Variants in ZMPSTE24 observed in about 807,000 individuals in gnomAD.
ZMPSTE24 encodes zinc metallopeptidase STE24, also known as CAAX prenyl protease 1 homolog.
A neutral mutation model predicts 56.7 loss-of-function variants in ZMPSTE24; 48 were observed. The ratio of observed to expected loss-of-function variants is 0.85; its 90% CI spans 0.67 to 1.08. The LOEUF (loss-of-function observed/expected upper bound fraction) is 1.08. ZMPSTE24 is among the 50% of genes least tolerant of loss of function. The pLI, the probability that ZMPSTE24 is intolerant of heterozygous loss-of-function variation, is 0.00. For missense variants in ZMPSTE24, 503 were observed against 548.7 expected, an observed-to-expected ratio of 0.92 and a Z score of 0.83; for synonymous variants, 172 against 195.2, an observed-to-expected ratio of 0.88 and a Z score of 0.99.
rs368573582 is a variant in ZMPSTE24 at position 40,270,773 on chromosome 1, C to T, written c.627+646C>T. 7.9e-5 allele frequency among the ~76,000 whole-genome samples: 12 copies of T among 152,164 alleles called. 1 individual carries two copies. Among genetic ancestry groups the T allele is most frequent in the East Asian group, 3.9e-4 (2 of 5,166 alleles). ...CCCTCACATCTCCTATTCCTCTTCTCTTTCCATACTCTCAAGTGCTTCACA... is the reference window on the plus strand; with the variant it reads ...CCCTCACATCTCCTATTCCTCTTCTTTTTCCATACTCTCAAGTGCTTCACA... On this transcript the variant is annotated intron_variant, in intron 5 of 9. Transcript: ENST00000372759.
chr1:40,275,576 A>AC, intron 6 of ZMPSTE24, among the ~76,000 whole-genome samples: 1 of 152,056 alleles, frequency 6.6e-6, no homozygotes, highest in South Asian at 2.1e-4. Context: ...ACATGGTGAA[A>AC]CCCCATCTCT....
chr1:40,290,898 T>C lies in ZMPSTE24; in HGVS notation c.1104T>C (p.Gly368=), dbSNP rs142369790. 74 of 1,614,132 alleles carry C rather than the reference T, an allele frequency of 4.6e-5. 3 individuals carry two copies. The African/African-American group carries it at 8.3e-4, about 18-fold the overall frequency. ...TTTTTTTATTTGCTGTATTAATTGG[T>C]CGAAAGGAGCTTTTTGCTGCATTTG... The part of the protein sequence containing the change: ...LCFFLFAVLI[G]RKELFAAFGF... The change falls in exon 9 of 10, where the codon GGT becomes GGC. Residue 368 remains glycine (G), a synonymous_variant. Transcript: ENST00000372759.
In ZMPSTE24 at chr1:40,290,924, G is replaced by A; in HGVS notation, c.1130G>A (p.Gly377Asp). ...CGAAAGGAGCTTTTTGCTGCATTTGGTTTTTATGATAGCCAACCCACTCTT... is the reference window on the plus strand; with the variant it reads ...CGAAAGGAGCTTTTTGCTGCATTTGATTTTTATGATAGCCAACCCACTCTT... ...IGRKELFAAFGFYDSQPTLIG... is the reference protein window; with the variant it reads ...IGRKELFAAFDFYDSQPTLIG... The change falls in exon 9 of 10, where the codon GGT becomes GAT. Residue 377 changes from glycine to aspartate, a missense_variant. Transcript: ENST00000372759. 1.2e-6 allele frequency: 2 copies of A among 1,613,866 alleles called. No homozygotes were observed. Among genetic ancestry groups the A allele is most frequent in the Non-Finnish European group, 1.7e-6 (2 of 1,179,944 alleles).
At chr1:40,264,502 A>G (rs1387191065) in intron 2 of ZMPSTE24, among the ~76,000 whole-genome samples, 1 of 151,734 alleles carries the variant, frequency 6.6e-6, no homozygotes, top group Non-Finnish European at 1.5e-5. Flanking sequence ...AGTTAAAGTA[A>G]CCTTTCAGTT....
intron 6 of ZMPSTE24, among the ~76,000 whole-genome samples, chr1:40,280,233 A>G (rs1293811150): frequency 6.6e-6 from 1 of 151,968 alleles, no homozygotes; most frequent in Admixed American, 6.6e-5. Context: ...GTCATTGTCA[A>G]CTTCCGATGG....
chr1:40,274,974 GA>G (rs1278563826), intron 6 of ZMPSTE24, among the ~76,000 whole-genome samples: 1 of 151,930 alleles, frequency 6.6e-6, no homozygotes, highest in Non-Finnish European at 1.5e-5. Context: ...AGTTTCCTGA[GA>G]TGGAAAAAAA....
In ZMPSTE24 at chr1:40,292,744, T is replaced by G; in HGVS notation, c.*75T>G. On this transcript the variant is annotated 3_prime_UTR_variant, in exon 10 of 10. Coordinates refer to ENST00000372759, the MANE Select transcript of ZMPSTE24 (RefSeq NM_005857.5). ...CAGCATGTTCCAGCTCTTGATGTTT[T>G]TAAACTTTTTTTTAGAAGAAAAATT... is the stretch of plus-strand genomic sequence containing the variant. 1 of 1,444,724 alleles carries G rather than the reference T, an allele frequency of 6.9e-7. No homozygotes were observed. Among genetic ancestry groups the G allele is most frequent in the South Asian group, 1.2e-5 (1 of 82,316 alleles). The allele number at this position is 1,444,724 out of a possible 1,614,324, so 89.5% of individuals were successfully genotyped here.
At chr1:40,273,537 A>AAAAAAAAAAAATATAT (rs1224234676) in intron 6 of ZMPSTE24, among the ~76,000 whole-genome samples, 10 of 12,386 alleles carry the variant, frequency 8.1e-4, no homozygotes, top group East Asian at 3.3e-3. Flanking sequence ...AAAAAAAAAA[A>AAAAAAAAAAAATATAT]ATATATATAT....
At chr1:40,272,163 G>GGCTA (rs1460160977) in intron 6 of ZMPSTE24, 128 bp downstream of exon 6, 4 of 1,089,374 alleles carry the variant, frequency 3.7e-6, no homozygotes, top group Non-Finnish European at 2.5e-6. Flanking sequence ...GTTATTTAAA[G>GGCTA]GCTAGGAGTT....
intron 3 of ZMPSTE24, among the ~76,000 whole-genome samples, 158 bp from the exon 4 acceptor site, chr1:40,268,261 A>T (rs1353754559): frequency 2.0e-5 from 3 of 152,260 alleles, no homozygotes; most frequent in Admixed American, 1.3e-4. Flanking sequence ...TCTCAAAAGT[A>T]AACTTTTTTG....
At position 40,273,961 on chromosome 1, in the gene ZMPSTE24, A is replaced by C. The variant is rs537708360; in HGVS notation, c.769+1926A>C. Among the ~76,000 whole-genome samples the C allele has an allele frequency of 2.6e-5, 4 of 152,200 alleles. No homozygotes were observed. The South Asian group carries it at 6.2e-4, about 24-fold the overall frequency. ...ATGAGAGCTATTTTCATTTTAGATA[A>C]AATAGTCAGGGAAGGCTTTATGGAA... On this transcript the variant is annotated intron_variant, in intron 6 of 9. Coordinates refer to ENST00000372759, the MANE Select transcript of ZMPSTE24 (RefSeq NM_005857.5).
At chr1:40,278,747 C>T (rs1569646003) in intron 6 of ZMPSTE24, among the ~76,000 whole-genome samples, 1 of 152,062 alleles carries the variant, frequency 6.6e-6, no homozygotes, top group East Asian at 1.9e-4. Context: ...TGCTCTTAAT[C>T]ACTATACTCA....
intron 6 of ZMPSTE24, among the ~76,000 whole-genome samples, chr1:40,278,354 C>T (rs1018678711): frequency 1.3e-5 from 2 of 151,640 alleles, no homozygotes; most frequent in African/African-American, 2.4e-5. Context: ...GTCAGGAGAT[C>T]GAGACCATCC....
intron 8 of ZMPSTE24, 70 bp downstream of exon 8, chr1:40,286,099 G>A: frequency 1.4e-6 from 2 of 1,396,976 alleles, no homozygotes; most frequent in East Asian, 2.4e-5. Flanking sequence ...GGCATGAGAG[G>A]TCATATAAGA....
rs2076697 is a variant in ZMPSTE24 at position 40,271,917 on chromosome 1, T to C, written c.651T>C (p.Asp217=). Residue 217 remains aspartate (D), a synonymous_variant, in exon 6 of 10, where the codon GAT becomes GAC. Transcript: ENST00000372759. ...AGGTTCTTGTCACAATCTATGCTGA[T>C]TATATTGCCCCTTTATTTGACAAAT... is the stretch of plus-strand genomic sequence containing the variant. ...VSLVLVTIYA[D]YIAPLFDKFT... is the part of the protein sequence containing the mutation. 0.085 allele frequency: 136,409 copies of C among 1,613,256 alleles called. 7,390 individuals are homozygous for C. The highest frequency in any genetic ancestry group is 0.24 in the East Asian group (10,523 of 44,766).
intron 2 of ZMPSTE24, chr1:40,262,886 A>G: frequency 8.6e-7 from 1 of 1,158,702 alleles, no homozygotes; most frequent in South Asian, 1.9e-5. Flanking sequence ...AGTAATACTC[A>G]AGAGTTCTTG....
intron 1 of ZMPSTE24, among the ~76,000 whole-genome samples, chr1:40,258,971 A>T (rs1643468309): frequency 6.6e-6 from 1 of 152,110 alleles, no homozygotes; most frequent in Non-Finnish European, 1.5e-5. Flanking sequence ...CAGCCTGACC[A>T]ACGTGGCGAA....
At chr1:40,270,608 C>T (rs755204169) in intron 5 of ZMPSTE24, among the ~76,000 whole-genome samples, 1 of 151,956 alleles carries the variant, frequency 6.6e-6, no homozygotes, top group Non-Finnish European at 1.5e-5. Context: ...GCCCCATCTG[C>T]TTCCCCTTCC....
intron 9 of ZMPSTE24, 46 bp from the exon 10 acceptor site, chr1:40,292,399 A>G (rs1233028735): frequency 1.3e-6 from 2 of 1,579,752 alleles, no homozygotes; most frequent in African/African-American, 1.3e-5. Context: ...TTTAGTAACA[A>G]CAAAGAGGTG....
Sources: gnomAD v4.1 joint callset for allele counts (sites outside exome capture counted in the v4.1 genomes callset) on GRCh38, gnomAD v4.1.1 for gene constraint, MANE v1.5 for transcripts, NCBI Gene and HGNC (gene_info 2026-07-23, HGNC 2026-07-21) for gene names.